Variants in LEKR1 observed in about 807,000 individuals in gnomAD.
LEKR1 encodes leucine, glutamate and lysine rich 1.
LEKR1 carries 59 observed loss-of-function variants against 72.4 expected under a neutral mutation model. The observed-to-expected ratio is 0.82, with a 90% CI of 0.66 to 1.01. LEKR1 has a LOEUF of 1.01. Ranked by LOEUF, LEKR1 falls within the 50% of genes least tolerant of loss-of-function variation. The pLI is 0.00. For missense variants in LEKR1, 728 were observed against 759.2 expected (o/e 0.96, Z 0.48); for synonymous variants, 257 against 263.2 (o/e 0.98, Z 0.23).
In LEKR1 at chr3:157,045,637, T is replaced by A. The variant is rs747017578; in HGVS notation, c.1966T>A (p.Ser656Thr). The A allele has an allele frequency of 6.2e-7, 1 of 1,614,124 alleles. No individual in the cohort carries two copies. The highest frequency in any genetic ancestry group is 2.2e-5 in the East Asian group (1 of 44,878). ...CTCAGATAAGCCGAAGAGGGTTAGA[T>A]CAGGCGTGCCCATTCTCCCCCAGCC... ...PTSDKPKRVR[S>T]GVPILPQPHP... The change falls in exon 13 of 13, where the codon TCA becomes ACA. Residue 656 changes from serine to threonine, a missense_variant. By Grantham distance (58) the Ser-to-Thr change is moderately conservative. Coordinates refer to ENST00000356539, the MANE Select transcript of LEKR1 (RefSeq NM_001004316.3).
chr3:156,930,600 T>A (rs1725135739), intron 5 of LEKR1, among the ~76,000 whole-genome samples: 1 of 152,178 alleles, frequency 6.6e-6, no homozygotes, highest in Non-Finnish European at 1.5e-5. Flanking sequence ...GCTAAAAAGC[T>A]AATACATAAT....
chr3:156,845,100 A>T (rs1188626886), intron 2 of LEKR1, among the ~76,000 whole-genome samples: 2 of 152,036 alleles, frequency 1.3e-5, no homozygotes, highest in African/African-American at 2.4e-5. Context: ...TAATGAAATG[A>T]TGTTGAATAT....
At chr3:156,937,280 C>A (rs1725806019) in intron 5 of LEKR1, among the ~76,000 whole-genome samples, 2 of 151,978 alleles carry the variant, frequency 1.3e-5, no homozygotes, top group African/African-American at 4.8e-5. Flanking sequence ...AATCACATAT[C>A]CAACAAAGGA....
At chr3:156,999,730 C>T (rs1474013564) in intron 9 of LEKR1, among the ~76,000 whole-genome samples, 3 of 152,110 alleles carry the variant, frequency 2.0e-5, no homozygotes, top group Admixed American at 2.0e-4. Context: ...TCTAATTCAC[C>T]AACCCAGAAG....
chr3:156,873,938 TCTTTGACTTTGA>T (rs1329127635), intron 3 of LEKR1, among the ~76,000 whole-genome samples: 5 of 152,106 alleles, frequency 3.3e-5, no homozygotes, highest in Non-Finnish European at 7.4e-5. Flanking sequence ...ATTCTCTTAG[TCTTTGACTTTGA>T]CAGTTTAACT....
At chr3:157,040,416 T>A (rs985428191) in intron 12 of LEKR1, among the ~76,000 whole-genome samples, 1 of 152,182 alleles carries the variant, frequency 6.6e-6, no homozygotes, top group Non-Finnish European at 1.5e-5. Context: ...GAAATATAAT[T>A]TTGAAAACAA....
At chr3:156,948,652 T>C (rs188192224) in intron 6 of LEKR1, among the ~76,000 whole-genome samples, 1 of 151,626 alleles carries the variant, frequency 6.6e-6, no homozygotes, top group Non-Finnish European at 1.5e-5. Flanking sequence ...GTCTTTGTGG[T>C]AGAATGCTTT....
intron 6 of LEKR1, among the ~76,000 whole-genome samples, chr3:156,971,898 G>T (rs1031110269): frequency 1.3e-5 from 2 of 152,162 alleles, no homozygotes; most frequent in Non-Finnish European, 2.9e-5. Context: ...TGGTGGGAGT[G>T]TAAACTAGTT....
At chr3:156,934,815 A>C (rs1576853821) in intron 5 of LEKR1, among the ~76,000 whole-genome samples, 1 of 152,094 alleles carries the variant, frequency 6.6e-6, no homozygotes, top group African/African-American at 2.4e-5. Context: ...ATATATATAT[A>C]TACATACATA....
chr3:156,974,334 A>AT (rs1430985393), intron 6 of LEKR1, among the ~76,000 whole-genome samples: 1 of 152,146 alleles, frequency 6.6e-6, no homozygotes, highest in African/African-American at 2.4e-5. Context: ...AAAACGAATA[A>AT]TTTTTTCACA....
intron 12 of LEKR1, among the ~76,000 whole-genome samples, chr3:157,036,979 A>C (rs1164252814): frequency 6.6e-6 from 1 of 152,206 alleles, no homozygotes; most frequent in East Asian, 1.9e-4. Context: ...ATCTTAGTAC[A>C]TAACATGGCC....
chr3:156,970,704 CAGAG>C (rs1031863907), intron 6 of LEKR1, among the ~76,000 whole-genome samples: 21 of 152,118 alleles, frequency 1.4e-4, no homozygotes, highest in African/African-American at 3.6e-4. Flanking sequence ...CAATAACAGA[CAGAG>C]AGCCAAATCA....
At chr3:156,845,024 G>A (rs1174792479) in intron 2 of LEKR1, among the ~76,000 whole-genome samples, 1 of 150,680 alleles carries the variant, frequency 6.6e-6, no homozygotes, top group Non-Finnish European at 1.5e-5. Flanking sequence ...ACCAGCATTT[G>A]ATGTTGTCAG....
chr3:157,013,220 T>C (rs1733044387), intron 10 of LEKR1, among the ~76,000 whole-genome samples: 1 of 152,148 alleles, frequency 6.6e-6, no homozygotes, highest in Admixed American at 6.5e-5. Context: ...GAGCTCCTTC[T>C]CTTAGTATGA....
chr3:156,923,549 C>T (rs1377469257), intron 4 of LEKR1, among the ~76,000 whole-genome samples: 2 of 152,208 alleles, frequency 1.3e-5, no homozygotes, highest in East Asian at 3.9e-4. Flanking sequence ...TATGGATATA[C>T]CACATTTTAT....
intron 6 of LEKR1, among the ~76,000 whole-genome samples, chr3:156,961,087 A>T (rs1268118356): frequency 6.6e-6 from 1 of 152,228 alleles, no homozygotes; most frequent in African/African-American, 2.4e-5. Flanking sequence ...TTCAGCATTC[A>T]GCTTATTTTT....
At chr3:156,956,265 C>T (rs1727624953) in intron 6 of LEKR1, among the ~76,000 whole-genome samples, 1 of 151,916 alleles carries the variant, frequency 6.6e-6, no homozygotes, top group Admixed American at 6.6e-5. Context: ...TCCTCTGGTC[C>T]TGAACAGCAG....
intron 3 of LEKR1, among the ~76,000 whole-genome samples, chr3:156,871,734 C>A (rs1396079024): frequency 6.6e-6 from 1 of 151,590 alleles, no homozygotes. Context: ...TGTGATATAT[C>A]ACATTTATTG....
chr3:156,921,640 G>A (rs1199519315), intron 4 of LEKR1, among the ~76,000 whole-genome samples: 1 of 152,010 alleles, frequency 6.6e-6, no homozygotes, highest in Non-Finnish European at 1.5e-5. Context: ...TGCCATCCAG[G>A]TGACCCCAAC....
Sources: allele counts gnomAD v4.1 joint callset (sites outside exome capture counted in the v4.1 genomes callset), GRCh38; gene constraint gnomAD v4.1.1; transcripts MANE v1.5; gene names NCBI Gene and HGNC (gene_info 2026-07-23, HGNC 2026-07-21).